Variants in CXCL13 observed in about 807,000 individuals in gnomAD.
CXCL13 encodes C-X-C motif chemokine 13.
Under a neutral mutation model 12.2 loss-of-function variants are expected in CXCL13, and 7 were observed. The ratio of observed to expected loss-of-function variants is 0.57; its 90% CI spans 0.33 to 1.07. CXCL13 has a LOEUF of 1.07. Among genes scored for constraint, CXCL13 ranks in the 50% least tolerant of loss-of-function variants. The probability of loss-of-function intolerance (pLI) is 0.04; values close to 1 mark genes in which losing one functional copy is unlikely to be tolerated. For missense variants in CXCL13, 113 were observed against 127.4 expected (o/e 0.89, Z 0.55); for synonymous variants, 47 against 42.4 (o/e 1.11, Z -0.42).
At chr4:77,532,125 C>T (rs1383214814) in intron 1 of CXCL13, among the ~76,000 whole-genome samples, 1 of 152,174 alleles carries the variant, frequency 6.6e-6, no homozygotes. Context: ...TTAGTTGATG[C>T]AGTTTCTTCC....
At chr4:77,526,432 G>A (rs1321121110) in intron 1 of CXCL13, among the ~76,000 whole-genome samples, 3 of 151,824 alleles carry the variant, frequency 2.0e-5, no homozygotes, top group East Asian at 1.9e-4. Context: ...TATGATGTAT[G>A]TCTTAGTTTA....
At chr4:77,556,952 G>A (rs1725673299) in intron 1 of CXCL13, among the ~76,000 whole-genome samples, 2 of 152,256 alleles carry the variant, frequency 1.3e-5, no homozygotes, top group African/African-American at 4.8e-5. Flanking sequence ...AGGAGTTCGA[G>A]GCTGCAGTGA....
chr4:77,523,229 G>T (rs1451935642), intron 1 of CXCL13, among the ~76,000 whole-genome samples: 1 of 152,142 alleles, frequency 6.6e-6, no homozygotes, highest in African/African-American at 2.4e-5. Context: ...GGTGTTGTCT[G>T]TATTTCAGGA....
chr4:77,557,776 G>C (rs1000351864), intron 1 of CXCL13, among the ~76,000 whole-genome samples: 3 of 152,178 alleles, frequency 2.0e-5, no homozygotes, highest in Non-Finnish European at 4.4e-5. Flanking sequence ...ACTGATGCTG[G>C]AGCTTCTCAC....
chr4:77,608,511 CTCT>C (rs1399784298), intron 2 of CXCL13, among the ~76,000 whole-genome samples: 1 of 151,978 alleles, frequency 6.6e-6, no homozygotes, highest in African/African-American at 2.4e-5. Context: ...GTTGCAAAGC[CTCT>C]TCTTTGCGAC....
At chr4:77,605,340 A>G (rs1218438708), upstream of CXCL13, among the ~76,000 whole-genome samples, 1 of 152,228 alleles carries the variant, frequency 6.6e-6, no homozygotes, top group Non-Finnish European at 1.5e-5. Flanking sequence ...TAGGATCTGT[A>G]TATAAAGAGA....
chr4:77,575,234 T>G (rs1297803772), intron 1 of CXCL13, among the ~76,000 whole-genome samples: 3 of 151,958 alleles, frequency 2.0e-5, no homozygotes, highest in Non-Finnish European at 2.9e-5. Flanking sequence ...TTTGGCAAAG[T>G]AAATAATTTA....
At chr4:77,544,196 G>T (rs140592852) in intron 1 of CXCL13, among the ~76,000 whole-genome samples, 3 of 152,052 alleles carry the variant, frequency 2.0e-5, no homozygotes, top group Non-Finnish European at 4.4e-5. Context: ...GAATAGTGCC[G>T]CAATAAACGT....
At chr4:77,521,152 C>T (rs180969294) in intron 1 of CXCL13, among the ~76,000 whole-genome samples, 1 of 152,296 alleles carries the variant, frequency 6.6e-6, no homozygotes, top group Admixed American at 6.5e-5. Flanking sequence ...CACGGGTGTT[C>T]ATCAGGGATA....
intron 1 of CXCL13, among the ~76,000 whole-genome samples, chr4:77,596,517 G>A (rs963587637): frequency 2.0e-5 from 3 of 152,158 alleles, no homozygotes; most frequent in African/African-American, 7.2e-5. Flanking sequence ...GGGCACAGTG[G>A]CTCATGCCTG....
intron 1 of CXCL13, among the ~76,000 whole-genome samples, chr4:77,567,667 C>A (rs1725971488): frequency 6.6e-6 from 1 of 152,186 alleles, no homozygotes; most frequent in Non-Finnish European, 1.5e-5. Flanking sequence ...AAAGTGACCT[C>A]TGGTCATCCT....
At position 77,570,694 on chromosome 4, in the gene CXCL13, G is replaced by C. The variant is rs146279165; in HGVS notation, c.-42-35130G>C. Reference sequence around the variant, plus strand: ...AGGCGCGAGCAGGAACTGGGGCTGCGCGCAGCGCTTGTGGGCCAGCTGGAG... The same window carrying C: ...AGGCGCGAGCAGGAACTGGGGCTGCCCGCAGCGCTTGTGGGCCAGCTGGAG... On this transcript the variant is annotated intron_variant, in intron 1 of 4. Coordinates refer to the CXCL13 transcript ENST00000286758. Among the ~76,000 whole-genome samples the C allele has an allele frequency of 7.1e-3, 1,081 of 152,304 alleles. 11 individuals carry two copies. The highest frequency in any genetic ancestry group is 9.3e-3 in the Non-Finnish European group (633 of 68,004).
At chr4:77,531,269 C>A (rs1249283555) in intron 1 of CXCL13, among the ~76,000 whole-genome samples, 1 of 94,016 alleles carries the variant, frequency 1.1e-5, no homozygotes, top group Non-Finnish European at 2.0e-5. Context: ...TGCTATCCCT[C>A]CCCCCTCCCC....
At chr4:77,536,952 A>T (rs149284114) in intron 1 of CXCL13, among the ~76,000 whole-genome samples, 28 of 152,304 alleles carry the variant, frequency 1.8e-4, no homozygotes, top group African/African-American at 6.5e-4. Flanking sequence ...AGAGCATATT[A>T]TCTTTGAAGT....
Position 77,558,912 on chromosome 4 carries a change from C to T in CXCL13, c.-42-46912C>T, listed in dbSNP as rs148010433. Among the ~76,000 whole-genome samples, 26 of 152,308 alleles carry T rather than the reference C, an allele frequency of 1.7e-4. No individual in the cohort carries two copies. In the East Asian group the frequency reaches 5.0e-3, roughly 29 times the overall value. On this transcript the variant is annotated intron_variant, in intron 1 of 4. Transcript: ENST00000286758. Reference sequence around the variant, plus strand: ...CTTCTTCTTATGCTACTAAGGAGAACTCTGCCTTTCACCCCTAGCTTATCT... The same window carrying T: ...CTTCTTCTTATGCTACTAAGGAGAATTCTGCCTTTCACCCCTAGCTTATCT...
intron 1 of CXCL13, among the ~76,000 whole-genome samples, chr4:77,553,396 A>C (rs557223870): frequency 6.6e-6 from 1 of 152,256 alleles, no homozygotes; most frequent in Non-Finnish European, 1.5e-5. Flanking sequence ...TGCCTGGGTT[A>C]AAAATGGTGT....
chr4:77,566,285 C>CTG (rs1335208123), intron 1 of CXCL13, among the ~76,000 whole-genome samples: 1 of 152,152 alleles, frequency 6.6e-6, no homozygotes, highest in Non-Finnish European at 1.5e-5. Context: ...GGATTAGAAA[C>CTG]GTGTGTTCCT....
chr4:77,535,650 A>G (rs1191664591), intron 1 of CXCL13, among the ~76,000 whole-genome samples: 1 of 152,178 alleles, frequency 6.6e-6, no homozygotes, highest in Non-Finnish European at 1.5e-5. Context: ...CCCAGCTGCC[A>G]TGCTACGAGG....
At chr4:77,606,631 C>T (rs72861980) in intron 1 of CXCL13, among the ~76,000 whole-genome samples, 3,894 of 152,288 alleles carry the variant, frequency 0.026, 166 homozygotes, top group African/African-American at 0.088. Context: ...CTCTTCAAAA[C>T]CCTAATTTCT....
Sources: gnomAD v4.1 joint callset for allele counts (sites outside exome capture counted in the v4.1 genomes callset) on GRCh38, gnomAD v4.1.1 for gene constraint, MANE v1.5 for transcripts, NCBI Gene and HGNC (gene_info 2026-07-23, HGNC 2026-07-21) for gene names.